TTC21B: variants seen among roughly 807,000 people sequenced by gnomAD.
TTC21B encodes tetratricopeptide repeat domain 21B.
TTC21B carries 127 observed loss-of-function variants against 175.1 expected under a neutral mutation model. The observed-to-expected ratio is 0.73, with a 90% CI of 0.63 to 0.84. TTC21B has a LOEUF of 0.84. TTC21B is among the 40% of genes least tolerant of loss of function. The pLI, the probability that TTC21B is intolerant of heterozygous loss-of-function variation, is 0.00. For synonymous variants in TTC21B, 524 were observed against 524.5 expected (o/e 1.00, Z 0.01); for missense variants, 1,561 against 1,558.3 (o/e 1.00, Z -0.03).
At chr2:165,898,308 GAGA>G (rs1475176406) in intron 22 of TTC21B, among the ~76,000 whole-genome samples, 6 of 152,162 alleles carry the variant, frequency 3.9e-5, no homozygotes, top group Non-Finnish European at 7.3e-5. Flanking sequence ...ACAAAGAATG[GAGA>G]AGTTCTCTTC....
At chr2:165,913,352 G>T (rs1356876185) in intron 16 of TTC21B, among the ~76,000 whole-genome samples, 1 of 152,034 alleles carries the variant, frequency 6.6e-6, no homozygotes, top group African/African-American at 2.4e-5. Flanking sequence ...TAACAATAGT[G>T]CTGAATTACT....
chr2:165,910,245 T>C (rs984923947), intron 18 of TTC21B, among the ~76,000 whole-genome samples: 1 of 151,858 alleles, frequency 6.6e-6, no homozygotes, highest in Non-Finnish European at 1.5e-5. Context: ...CTACTAAAAA[T>C]ACAAAAAATT....
intron 23 of TTC21B, 94 bp downstream of exon 23, chr2:165,890,744 T>C (rs1685159418): frequency 1.3e-6 from 2 of 1,544,148 alleles, no homozygotes; most frequent in Non-Finnish European, 1.8e-6. Flanking sequence ...TATTTTGAAA[T>C]GTACATTTTT....
At chr2:165,927,344 T>C in intron 11 of TTC21B, among the ~76,000 whole-genome samples, 1 of 94,454 alleles carries the variant, frequency 1.1e-5, no homozygotes, top group Non-Finnish European at 2.2e-5. Context: ...ATATAATATA[T>C]ATATAATATA....
At chr2:165,875,220 T>G (rs1331495886) in intron 28 of TTC21B, among the ~76,000 whole-genome samples, 1 of 152,148 alleles carries the variant, frequency 6.6e-6, no homozygotes, top group African/African-American at 2.4e-5. Context: ...TGAAATGATC[T>G]TGAGACATAC....
chr2:165,880,018 G>A (rs2105280202), intron 27 of TTC21B: 1 of 153,212 alleles, frequency 6.5e-6, no homozygotes, highest in Admixed American at 6.5e-5. Context: ...GACTTGGGCA[G>A]TTTCAAGGAG....
At chr2:165,877,979 T>C (rs996348932) in intron 27 of TTC21B, among the ~76,000 whole-genome samples, 1 of 152,150 alleles carries the variant, frequency 6.6e-6, no homozygotes, top group Non-Finnish European at 1.5e-5. Context: ...AAGATTTCAG[T>C]TTTGGTTTGT....
At position 165,911,582 on chromosome 2, in the gene TTC21B, T is replaced by C. The variant is rs7557045; in HGVS notation, c.2323-117A>G. The C allele has an allele frequency of 8.4e-3, 10,144 of 1,206,158 alleles. 596 individuals are homozygous for C. The African/African-American group carries it at 0.13, about 16-fold the overall frequency. The allele number at this position is 1,206,158 out of a possible 1,614,324, so 74.7% of individuals were successfully genotyped here. A position where few individuals can be genotyped will look rare whatever the true frequency, so the allele number is the denominator to read the frequency against. On this transcript the variant is annotated intron_variant, in intron 17 of 28. Transcript: ENST00000243344. ...TATAACTAGAAATAACCAGGAAGAA[T>C]TGTAGGCATACACCTGCCTGTCAAT...
At chr2:165,933,445 CACA>C (rs1686987057) in intron 6 of TTC21B, among the ~76,000 whole-genome samples, 1 of 152,024 alleles carries the variant, frequency 6.6e-6, no homozygotes, top group African/African-American at 2.4e-5. Flanking sequence ...TAATGTTATT[CACA>C]ACAACAGATT....
intron 1 of TTC21B, 64 bp from the exon 2 acceptor site, chr2:165,949,788 C>T: frequency 5.3e-6 from 8 of 1,497,364 alleles, no homozygotes; most frequent in Non-Finnish European, 7.4e-6. Context: ...CTCTAAGAAG[C>T]AGATAATAAT....
intron 25 of TTC21B, among the ~76,000 whole-genome samples, chr2:165,885,056 G>A (rs1338323724): frequency 6.6e-6 from 1 of 152,090 alleles, no homozygotes; most frequent in Non-Finnish European, 1.5e-5. Flanking sequence ...AGGCTGAAGT[G>A]GGAGGATCTC....
chr2:165,940,286 GTT>G (rs1201134342), intron 6 of TTC21B, among the ~76,000 whole-genome samples: 1 of 152,148 alleles, frequency 6.6e-6, no homozygotes, highest in Non-Finnish European at 1.5e-5. Context: ...CCCACAGTCT[GTT>G]TTGCACATGG....
intron 3 of TTC21B, 42 bp from the exon 4 acceptor site, chr2:165,945,732 A>ATCAGGT: frequency 6.3e-7 from 1 of 1,594,978 alleles, no homozygotes; most frequent in South Asian, 1.1e-5. Flanking sequence ...TAAATTCTGG[A>ATCAGGT]TCAGGTATTT....
At chr2:165,927,351 T>C (rs1379500067) in intron 11 of TTC21B, among the ~76,000 whole-genome samples, 2 of 94,150 alleles carry the variant, frequency 2.1e-5, no homozygotes. Flanking sequence ...ATATATATAA[T>C]ATATTTTATA....
At position 165,930,243 on chromosome 2, in the gene TTC21B, C is replaced by T; in HGVS notation, c.1016G>A (p.Arg339Lys). 6.2e-7 allele frequency: 1 copy of T among 1,613,306 alleles called. No individual in the cohort carries two copies. The highest frequency in any genetic ancestry group is 8.5e-7 in the Non-Finnish European group (1 of 1,179,460). Residue 339 changes from arginine (R) to lysine (K), a missense_variant, in exon 9 of 29, where the codon AGA (arginine) becomes AAA (lysine). Physicochemically the swap from Arg to Lys is conservative, Grantham distance 26. Coordinates refer to ENST00000243344, the MANE Select transcript of TTC21B (RefSeq NM_024753.5). ...ELGYQMILQG[R>K]VKEALKWYKT... ...ATACCACTTCAGTGCCTCTTTAACT[C>T]TTCCTTGTAAAATCATTTGGTATCC...
chr2:165,925,423 T>G (rs1391078487), intron 11 of TTC21B, among the ~76,000 whole-genome samples: 1 of 152,158 alleles, frequency 6.6e-6, no homozygotes, highest in Admixed American at 6.5e-5. Context: ...AAATATAAAA[T>G]GTTCATTCCT....
At chr2:165,928,958 A>T in intron 11 of TTC21B, 177 bp downstream of exon 11, 1 of 620,970 alleles carries the variant, frequency 1.6e-6, no homozygotes, top group Non-Finnish European at 2.9e-6. Context: ...TACTTTCAGT[A>T]GTTGACAGCA....
intron 22 of TTC21B, among the ~76,000 whole-genome samples, chr2:165,896,508 C>G (rs1295720098): frequency 6.6e-6 from 1 of 151,078 alleles, no homozygotes; most frequent in Non-Finnish European, 1.5e-5. Flanking sequence ...CCCAAAAATC[C>G]TAAAGCCAAA....
At position 165,914,654 on chromosome 2, in the gene TTC21B, A is replaced by AGTGTGTGTGTGTGTGTGTGTGT. The variant is rs1553511255; in HGVS notation, c.2138+546_2138+547insACACACACACACACACACACAC. Among the ~76,000 whole-genome samples the AGTGTGTGTGTGTGTGTGTGTGT allele has an allele frequency of 1.6e-3, 28 of 17,100 alleles. No homozygotes were observed. The South Asian group carries it at 0.039, about 24-fold the overall frequency. 11.2% of individuals were successfully genotyped at this position (17,100 alleles called of 152,430 possible). A position where few individuals can be genotyped will look rare whatever the true frequency, so the allele number is the denominator to read the frequency against. ...TCTGTTTGGGGAGAAGAGGAAGAGC[A>AGTGTGTGTGTGTGTGTGTGTGT]ATCTGTGTGTGTGTGTGTGTGTGTG... On this transcript the variant is annotated intron_variant, in intron 15 of 28. Transcript: ENST00000243344.
Sources: gnomAD v4.1 joint callset for allele counts (sites outside exome capture counted in the v4.1 genomes callset) on GRCh38, gnomAD v4.1.1 for gene constraint, MANE v1.5 for transcripts, NCBI Gene and HGNC (gene_info 2026-07-23, HGNC 2026-07-21) for gene names.